Variants in FBXW8 observed in about 807,000 individuals in gnomAD.
FBXW8 encodes F-box and WD repeat domain containing 8.
Under a neutral mutation model 65.3 loss-of-function variants are expected in FBXW8, and 57 were observed. The observed-to-expected ratio is 0.87, with a 90% CI of 0.71 to 1.09. The LOEUF is 1.09. Among genes scored for constraint, FBXW8 ranks in the 50% least tolerant of loss-of-function variants. FBXW8 has a pLI of 0.00. For synonymous variants in FBXW8, 308 were observed against 330.2 expected (o/e 0.93, Z 0.73); for missense variants, 777 against 814.8 (o/e 0.95, Z 0.57).
intron 8 of FBXW8, among the ~76,000 whole-genome samples, chr12:117,013,374 C>T (rs549407487): frequency 9.9e-5 from 15 of 152,198 alleles, no homozygotes; most frequent in South Asian, 4.1e-4. Flanking sequence ...AAGATGGGAG[C>T]GGAGAGAAAA....
chr12:116,924,876 G>C (rs998440321), intron 1 of FBXW8, among the ~76,000 whole-genome samples: 6 of 152,152 alleles, frequency 3.9e-5, no homozygotes, highest in Non-Finnish European at 1.5e-5. Flanking sequence ...AACTGAAGTT[G>C]ATGAATTAGT....
At chr12:117,016,787 C>T (rs1953959440) in intron 8 of FBXW8, among the ~76,000 whole-genome samples, 1 of 152,134 alleles carries the variant, frequency 6.6e-6, no homozygotes. Context: ...GTCTGTGATC[C>T]ATTTGGAGTT....
At chr12:116,960,137 A>G (rs1267313271) in intron 4 of FBXW8, among the ~76,000 whole-genome samples, 4 of 152,174 alleles carry the variant, frequency 2.6e-5, no homozygotes, top group South Asian at 2.1e-4. Context: ...TCCTACCTCC[A>G]TTCGTTATCT....
At chr12:117,021,660 ATATAAATT>A (rs1270889878) in intron 8 of FBXW8, among the ~76,000 whole-genome samples, 1 of 152,228 alleles carries the variant, frequency 6.6e-6, no homozygotes, top group African/African-American at 2.4e-5. Flanking sequence ...AGATTTTAGC[ATATAAATT>A]TATATTTGAC....
chr12:116,966,993 C>CT lies in FBXW8; in HGVS notation c.835+2150dup, dbSNP rs569868444. ...TGATTGCCAAAATGTATTTTAAATT[C>CT]TTTTTTTTTTTAAAGTCATAGTTAG... On this transcript the variant is annotated intron_variant, in intron 5 of 10. Coordinates refer to ENST00000652555, the MANE Select transcript of FBXW8 (RefSeq NM_153348.3). 2.0e-3 allele frequency among the ~76,000 whole-genome samples: 293 copies of CT among 147,646 alleles called. 1 individual carries two copies. The highest frequency in any genetic ancestry group is 7.0e-3 in the Middle Eastern group (2 of 284).
At chr12:116,948,683 A>C (rs1190495577) in intron 3 of FBXW8, 1 of 152,140 alleles carries the variant, frequency 6.6e-6, no homozygotes, top group East Asian at 1.9e-4. Flanking sequence ...TTTGTGGCCT[A>C]TCTCACTTTT....
At chr12:116,966,558 T>G (rs2137394843) in intron 5 of FBXW8, among the ~76,000 whole-genome samples, 1 of 152,276 alleles carries the variant, frequency 6.6e-6, no homozygotes, top group Non-Finnish European at 1.5e-5. Flanking sequence ...CCCAATTGAT[T>G]TGCAGCCCAT....
chr12:116,919,991 T>C (rs1002181809), intron 1 of FBXW8, among the ~76,000 whole-genome samples: 1 of 152,258 alleles, frequency 6.6e-6, no homozygotes, highest in Non-Finnish European at 1.5e-5. Flanking sequence ...TTCTGGCTAA[T>C]ATGCAGTGAG....
At chr12:116,997,796 C>G (rs920263304) in intron 7 of FBXW8, among the ~76,000 whole-genome samples, 29 of 152,146 alleles carry the variant, frequency 1.9e-4, no homozygotes, top group South Asian at 4.2e-4. Context: ...TTCACTTTCC[C>G]AAGAATTGTT....
intron 2 of FBXW8, among the ~76,000 whole-genome samples, chr12:116,935,998 C>T (rs1404467264): frequency 6.7e-6 from 1 of 148,598 alleles, no homozygotes; most frequent in Non-Finnish European, 1.5e-5. Context: ...GAGAATAAAA[C>T]ATAAAAAACC....
At chr12:116,944,990 A>T (rs950255222) in intron 2 of FBXW8, among the ~76,000 whole-genome samples, 1 of 152,238 alleles carries the variant, frequency 6.6e-6, no homozygotes, top group Admixed American at 6.5e-5. Flanking sequence ...GGAAATACAA[A>T]TGCTTTTTGT....
chr12:116,999,630 G>C (rs1251030327), intron 7 of FBXW8, among the ~76,000 whole-genome samples: 1 of 152,126 alleles, frequency 6.6e-6, no homozygotes, highest in African/African-American at 2.4e-5. Flanking sequence ...TCCACTTCAG[G>C]TTTTCTCAGA....
intron 5 of FBXW8, among the ~76,000 whole-genome samples, chr12:116,969,018 T>C (rs753023439): frequency 2.0e-5 from 3 of 152,160 alleles, no homozygotes; most frequent in Non-Finnish European, 4.4e-5. Flanking sequence ...TTTATAAGCT[T>C]TTAGCTATGA....
chr12:116,922,366 G>A (rs1189095874), intron 1 of FBXW8, among the ~76,000 whole-genome samples: 2 of 151,970 alleles, frequency 1.3e-5, no homozygotes, highest in East Asian at 1.9e-4. Flanking sequence ...TGAGATAAAC[G>A]CCTAAAGAAA....
chr12:116,947,467 G>A (rs1032879513), intron 3 of FBXW8, among the ~76,000 whole-genome samples: 1 of 152,148 alleles, frequency 6.6e-6, no homozygotes, highest in African/African-American at 2.4e-5. Context: ...ATGAAAGGCG[G>A]CCCGGCACCG....
chr12:116,992,118 T>A (rs1406282535), intron 7 of FBXW8, among the ~76,000 whole-genome samples: 1 of 152,244 alleles, frequency 6.6e-6, no homozygotes. Flanking sequence ...TTAATAAACA[T>A]AGTTTTCTAA....
At chr12:116,980,893 G>A (rs1157589469) in intron 5 of FBXW8, among the ~76,000 whole-genome samples, 1 of 152,178 alleles carries the variant, frequency 6.6e-6, no homozygotes, top group Non-Finnish European at 1.5e-5. Context: ...TCTCCAGTGT[G>A]TGTTTTATGA....
chr12:116,962,339 C>A (rs1004689804), intron 4 of FBXW8, among the ~76,000 whole-genome samples: 6 of 152,174 alleles, frequency 3.9e-5, no homozygotes, highest in African/African-American at 1.2e-4. Context: ...TTGTCTGGTT[C>A]AGCAGCTAAA....
chr12:116,980,949 C>T (rs1005028685), intron 5 of FBXW8, among the ~76,000 whole-genome samples: 3 of 152,128 alleles, frequency 2.0e-5, no homozygotes, highest in South Asian at 2.1e-4. Context: ...AATGTTGGCT[C>T]GATCAGTCAG....
Sources: allele counts gnomAD v4.1 joint callset (sites outside exome capture counted in the v4.1 genomes callset), GRCh38; gene constraint gnomAD v4.1.1; transcripts MANE v1.5; gene names NCBI Gene and HGNC (gene_info 2026-07-23, HGNC 2026-07-21).